The following MCTP1 variants were observed in gnomAD, a reference collection of about 807,000 sequenced individuals.
The protein encoded by MCTP1 is multiple C2 and transmembrane domain-containing protein 1.
MCTP1 carries 69 observed loss-of-function variants against 120.6 expected under a neutral mutation model. That is an observed-to-expected ratio of 0.57 (90% CI 0.47 to 0.70). MCTP1 has a LOEUF of 0.70. Ranked by LOEUF, MCTP1 falls within the 30% of genes least tolerant of loss-of-function variation. MCTP1 has a pLI of 0.00. For missense variants in MCTP1, 1,203 were observed against 1,248.8 expected (o/e 0.96, Z 0.55); for synonymous variants, 529 against 493.1 (o/e 1.07, Z -0.96).
chr5:94,995,266 C>T (rs906269683), intron 2 of MCTP1, among the ~76,000 whole-genome samples: 7 of 152,150 alleles, frequency 4.6e-5, no homozygotes, highest in Admixed American at 1.3e-4. Context: ...AACACAGATT[C>T]GTGGGTCTCA....
At chr5:94,843,650 T>G (rs1159988419) in intron 17 of MCTP1, among the ~76,000 whole-genome samples, 2 of 152,188 alleles carry the variant, frequency 1.3e-5, no homozygotes, top group African/African-American at 4.8e-5. Context: ...TAGTTGTGTC[T>G]CTTTATAAGA....
In MCTP1 at chr5:95,207,956, A is replaced by C. The variant is rs1260282984; in HGVS notation, c.720+75900T>G. On this transcript the variant is annotated intron_variant, in intron 1 of 22. Coordinates refer to ENST00000515393, the MANE Select transcript of MCTP1 (RefSeq NM_024717.7). ...GAGAGAGAGAGAGAGAGGGAGAGAG[A>C]GGGAGAGAGAGGGAGAGAGAGGGAG... Among the ~76,000 whole-genome samples, 3 of 92,624 alleles carry C rather than the reference A, an allele frequency of 3.2e-5. No homozygotes were observed. In the Admixed American group the frequency reaches 3.6e-4, roughly 11 times the overall value. 60.8% of individuals were successfully genotyped at this position (92,624 alleles called of 152,430 possible). A position where few individuals can be genotyped will look rare whatever the true frequency, so the allele number is the denominator to read the frequency against.
chr5:94,961,035 A>G (rs1397154651), intron 2 of MCTP1, among the ~76,000 whole-genome samples: 2 of 152,254 alleles, frequency 1.3e-5, no homozygotes, highest in Admixed American at 6.5e-5. Context: ...ATGTCCATCA[A>G]TGATAGACTG....
At chr5:95,061,275 C>G (rs962921121) in intron 1 of MCTP1, among the ~76,000 whole-genome samples, 1 of 150,680 alleles carries the variant, frequency 6.6e-6, no homozygotes, top group East Asian at 1.9e-4. Context: ...AAGGGAAAAA[C>G]ATAATAATTG....
chr5:94,832,122 A>G (rs1580923471), intron 17 of MCTP1, among the ~76,000 whole-genome samples: 1 of 152,228 alleles, frequency 6.6e-6, no homozygotes, highest in East Asian at 1.9e-4. Context: ...TTTCTGTGGT[A>G]TCCTTAATTA....
intron 19 of MCTP1, among the ~76,000 whole-genome samples, chr5:94,747,344 A>G (rs563361159): frequency 6.6e-6 from 1 of 152,320 alleles, no homozygotes; most frequent in East Asian, 1.9e-4. Flanking sequence ...TCATAATCTT[A>G]TGAGGCAAGT....
chr5:95,098,908 T>C (rs1756486482), intron 1 of MCTP1, among the ~76,000 whole-genome samples: 1 of 152,172 alleles, frequency 6.6e-6, no homozygotes, highest in Non-Finnish European at 1.5e-5. Flanking sequence ...AGCATGGTAC[T>C]GGTACCAAAA....
intron 2 of MCTP1, among the ~76,000 whole-genome samples, chr5:94,989,662 G>C (rs372885): frequency 6.6e-6 from 1 of 151,920 alleles, no homozygotes; most frequent in African/African-American, 2.4e-5. Context: ...GTCTCTAGAT[G>C]GCTTCAGGAT....
intron 19 of MCTP1, among the ~76,000 whole-genome samples, chr5:94,736,698 G>T (rs1273612243): frequency 6.6e-6 from 1 of 151,528 alleles, no homozygotes; most frequent in Non-Finnish European, 1.5e-5. Context: ...ATGAGAGACT[G>T]CAAGAAACAC....
intron 19 of MCTP1, among the ~76,000 whole-genome samples, chr5:94,752,289 G>A (rs147972667): frequency 0.011 from 1,635 of 151,404 alleles, 32 homozygotes; most frequent in African/African-American, 0.037. Flanking sequence ...ACAAAGTGGT[G>A]AGGATGAGCC....
At chr5:94,708,234 CCT>C (rs1755361907) in intron 22 of MCTP1, 1 of 242,262 alleles carries the variant, frequency 4.1e-6, no homozygotes, top group Non-Finnish European at 7.9e-6. Context: ...GGTCATACTC[CCT>C]GTCACAAACT....
chr5:94,934,519 C>T (rs757043816), intron 5 of MCTP1, among the ~76,000 whole-genome samples: 49 of 151,802 alleles, frequency 3.2e-4, no homozygotes, highest in Non-Finnish European at 4.7e-4. Flanking sequence ...AAAGACTCCA[C>T]GATCTCAATC....
intron 18 of MCTP1, among the ~76,000 whole-genome samples, chr5:94,797,907 T>C (rs1373512551): frequency 6.6e-6 from 1 of 152,140 alleles, no homozygotes; most frequent in Non-Finnish European, 1.5e-5. Context: ...TGCTTGTATT[T>C]TAATGAACGG....
At position 95,283,959 on chromosome 5, in the gene MCTP1, C is replaced by A; in HGVS notation, c.617G>T (p.Cys206Phe). The A allele has an allele frequency of 7.1e-7, 1 of 1,417,922 alleles. No homozygotes were observed. The highest frequency in any genetic ancestry group is 9.2e-7 in the Non-Finnish European group (1 of 1,090,942). The allele number at this position is 1,417,922 out of a possible 1,614,324, so 87.8% of individuals were successfully genotyped here. ...QKSSSLPGTA[C>F]LEQLLEPPPP... ...CGGCGGCTCCAGCAGCTGCTCCAGGCAGGCGGTGCCCGGCAGAGAGGAGCT... is the reference window on the plus strand; with the variant it reads ...CGGCGGCTCCAGCAGCTGCTCCAGGAAGGCGGTGCCCGGCAGAGAGGAGCT... Residue 206 changes from cysteine (C) to phenylalanine (F), a missense_variant, in exon 1 of 23, where the codon TGC becomes TTC. Around this residue, in one of 2 missense-constraint regions of MCTP1, gnomAD observed 463 missense variants for 377.8 expected, o/e 1.23. Coordinates refer to ENST00000515393, the MANE Select transcript of MCTP1 (RefSeq NM_024717.7).
intron 1 of MCTP1, among the ~76,000 whole-genome samples, chr5:95,186,081 AGCGATACTCT>A (rs1256611670): frequency 1.3e-5 from 2 of 152,086 alleles, no homozygotes; most frequent in African/African-American, 4.8e-5. Flanking sequence ...TGGGTGATGG[AGCGATACTCT>A]GTCTCAAAAT....
At chr5:95,229,586 A>T (rs1451007668) in intron 1 of MCTP1, among the ~76,000 whole-genome samples, 1 of 152,054 alleles carries the variant, frequency 6.6e-6, no homozygotes, top group Non-Finnish European at 1.5e-5. Context: ...ATCTCTACTA[A>T]AAATACACCA....
At position 95,189,553 on chromosome 5, in the gene MCTP1, A is replaced by C. The variant is rs150116912; in HGVS notation, c.720+94303T>G. On this transcript the variant is annotated intron_variant, in intron 1 of 22. Coordinates refer to ENST00000515393, the MANE Select transcript of MCTP1 (RefSeq NM_024717.7). ...CAAGGAAATGTCTGGGGAGTTTCTA[A>C]TGCAGGCATCTTTGATCCTGGTCAG... Among the ~76,000 whole-genome samples, 5 of 152,100 alleles carry C rather than the reference A, an allele frequency of 3.3e-5. 1 individual carries two copies. The highest frequency in any genetic ancestry group is 2.0e-4 in the Admixed American group (3 of 15,264).
chr5:94,919,079 G>A (rs976008005), intron 7 of MCTP1, among the ~76,000 whole-genome samples: 1 of 152,172 alleles, frequency 6.6e-6, no homozygotes, highest in Non-Finnish European at 1.5e-5. Flanking sequence ...TACTTTGCCT[G>A]TCACTTAGGT....
intron 2 of MCTP1, among the ~76,000 whole-genome samples, chr5:94,968,592 T>G (rs535712293): frequency 1.3e-5 from 2 of 152,354 alleles, no homozygotes; most frequent in African/African-American, 4.8e-5. Flanking sequence ...AAACATACTA[T>G]ACAAAAAGGA....
Sources: allele counts gnomAD v4.1 joint callset (sites outside exome capture counted in the v4.1 genomes callset), GRCh38; gene constraint gnomAD v4.1.1; regional missense constraint gnomAD v4.1.1; transcripts MANE v1.5; gene names NCBI Gene and HGNC (gene_info 2026-07-23, HGNC 2026-07-21).